RALGAPA2: variants seen among roughly 807,000 people sequenced by gnomAD.
RALGAPA2 encodes the protein ral GTPase-activating protein subunit alpha-2.
RALGAPA2 carries 139 observed loss-of-function variants against 230.4 expected under a neutral mutation model. The ratio of observed to expected loss-of-function variants is 0.60; its 90% CI spans 0.53 to 0.69. RALGAPA2 has a LOEUF of 0.69. Ranked by LOEUF, RALGAPA2 falls within the 30% of genes least tolerant of loss-of-function variation. The pLI is 0.00. For missense variants in RALGAPA2, 2,163 were observed against 2,276.0 expected, an observed-to-expected ratio of 0.95 and a Z score of 1.01; for synonymous variants, 847 against 837.8, an observed-to-expected ratio of 1.01 and a Z score of -0.19.
chr20:20,394,274 G>C lies in RALGAPA2; in HGVS notation c.*36-1021C>G, dbSNP rs371751819. On this transcript the variant is annotated intron_variant, in intron 39 of 39. Coordinates refer to ENST00000202677, the MANE Select transcript of RALGAPA2 (RefSeq NM_020343.4). The stretch of plus-strand genomic sequence containing the variant: ...GGACCTATGGAGGCAGCCTGGCTCA[G>C]GGTGTCCTGAAATTCAGTACTTTCA... 1.8e-4 allele frequency among the ~76,000 whole-genome samples: 28 copies of C among 152,284 alleles called. No individual in the cohort carries two copies. In the East Asian group the frequency reaches 3.7e-3, roughly 20 times the overall value.
chr20:20,686,088 A>G (rs1480208785), intron 1 of RALGAPA2, among the ~76,000 whole-genome samples: 1 of 152,210 alleles, frequency 6.6e-6, no homozygotes, highest in Non-Finnish European at 1.5e-5. Context: ...TCCTTTGTCC[A>G]GCTAAACCTC....
rs1326104775 is a variant in RALGAPA2, at chr20:20,548,765, T to G, written c.3157-1933A>C. Among the ~76,000 whole-genome samples, 4 of 152,336 alleles carry G rather than the reference T, an allele frequency of 2.6e-5. No homozygotes were observed. The East Asian group carries it at 7.7e-4, about 29-fold the overall frequency. On this transcript the variant is annotated intron_variant, in intron 23 of 39. Coordinates refer to ENST00000202677, the MANE Select transcript of RALGAPA2 (RefSeq NM_020343.4). ...ACAAAAGATCCACCTTTTTCATAAT[T>G]AAGCCTCTGATTAATGCCCTAGGCT... is the stretch of plus-strand genomic sequence containing the variant.
chr20:20,484,358 C>T (rs1332622185), intron 36 of RALGAPA2, among the ~76,000 whole-genome samples: 3 of 152,102 alleles, frequency 2.0e-5, no homozygotes, highest in Non-Finnish European at 2.9e-5. Context: ...GAAGGCCATG[C>T]ACCACCCTCC....
intron 35 of RALGAPA2, among the ~76,000 whole-genome samples, chr20:20,495,775 T>G (rs533136532): frequency 6.6e-6 from 1 of 152,368 alleles, no homozygotes; most frequent in East Asian, 1.9e-4. Context: ...GACAAACCTT[T>G]AAGAAAAGGA....
intron 26 of RALGAPA2, among the ~76,000 whole-genome samples, 193 bp from the exon 27 acceptor site, chr20:20,531,988 T>C (rs937294588): frequency 3.3e-5 from 5 of 152,198 alleles, no homozygotes; most frequent in African/African-American, 7.2e-5. Flanking sequence ...AATAGAAATA[T>C]TGATAATGGT....
intron 28 of RALGAPA2, among the ~76,000 whole-genome samples, chr20:20,526,018 T>C (rs1476489888): frequency 6.6e-6 from 1 of 152,196 alleles, no homozygotes; most frequent in Non-Finnish European, 1.5e-5. Flanking sequence ...TGGTCGTGCC[T>C]GCCTTTCAAA....
intron 39 of RALGAPA2, 21 bp downstream of exon 39, chr20:20,396,674 C>A (rs2059725525): frequency 1.2e-6 from 2 of 1,600,786 alleles, no homozygotes; most frequent in Middle Eastern, 1.7e-4. Context: ...CTGGACAAAT[C>A]CACTGAAGTG....
intron 3 of RALGAPA2, among the ~76,000 whole-genome samples, chr20:20,667,050 T>C (rs1440946648): frequency 6.6e-6 from 1 of 152,178 alleles, no homozygotes; most frequent in Non-Finnish European, 1.5e-5. Flanking sequence ...AGTAAAATGG[T>C]GCTACTAAAT....
intron 37 of RALGAPA2, among the ~76,000 whole-genome samples, chr20:20,467,547 C>T (rs962434604): frequency 4.6e-5 from 7 of 152,082 alleles, no homozygotes; most frequent in African/African-American, 1.7e-4. Flanking sequence ...CAGTCTGGAG[C>T]TTAGGTGCAA....
chr20:20,434,119 T>C (rs1421889511), intron 37 of RALGAPA2, among the ~76,000 whole-genome samples: 2 of 152,116 alleles, frequency 1.3e-5, no homozygotes, highest in African/African-American at 2.4e-5. Flanking sequence ...TCTAGTAATT[T>C]AGCAAGGTCC....
chr20:20,600,092 C>T (rs1247735016), intron 16 of RALGAPA2, among the ~76,000 whole-genome samples: 4 of 151,724 alleles, frequency 2.6e-5, no homozygotes, highest in Non-Finnish European at 4.4e-5. Flanking sequence ...GTAAGGAGTA[C>T]GAGAACAGTC....
chr20:20,542,724 T>A (rs1216043232), intron 24 of RALGAPA2, among the ~76,000 whole-genome samples: 1 of 152,106 alleles, frequency 6.6e-6, no homozygotes, highest in Admixed American at 6.6e-5. Flanking sequence ...AAACTGAAAC[T>A]GGACCCCTTC....
rs750334001 is a variant in RALGAPA2 at position 20,512,922 on chromosome 20, C to A, written c.4447G>T (p.Gly1483Cys). ...DGKVLYGPLE[G>C]CLAPNGRNPS... The stretch of plus-strand genomic sequence containing the variant: ...TTTCTTCCATTGGGTGCTAAGCAGC[C>A]TTCCAAAGGTCCATATAAAACCTTA... The change falls in exon 32 of 40, where the codon GGC becomes TGC. Residue 1483 changes from glycine to cysteine, a missense_variant. Gly to Cys is a radical substitution (Grantham distance 159, BLOSUM62 -3). Transcript: ENST00000202677. 1 of 1,613,868 alleles carries A rather than the reference C, an allele frequency of 6.2e-7. No homozygotes were observed. The highest frequency in any genetic ancestry group is 8.5e-7 in the Non-Finnish European group (1 of 1,179,800).
intron 33 of RALGAPA2, among the ~76,000 whole-genome samples, chr20:20,510,731 G>C (rs1338831652): frequency 6.6e-6 from 1 of 152,120 alleles, no homozygotes; most frequent in Non-Finnish European, 1.5e-5. Context: ...ATAGAACAGG[G>C]GTGGATCTGA....
At chr20:20,498,325 T>A (rs1405887889) in intron 35 of RALGAPA2, among the ~76,000 whole-genome samples, 1 of 152,222 alleles carries the variant, frequency 6.6e-6, no homozygotes, top group African/African-American at 2.4e-5. Context: ...TGGATACTTA[T>A]CAGGCTCAGA....
intron 30 of RALGAPA2, among the ~76,000 whole-genome samples, chr20:20,522,132 G>A (rs1221852010): frequency 1.3e-5 from 2 of 151,752 alleles, no homozygotes; most frequent in African/African-American, 4.8e-5. Flanking sequence ...CACGTTATGT[G>A]TAAACTAGCA....
At chr20:20,588,003 T>A (rs2065180892) in intron 18 of RALGAPA2, among the ~76,000 whole-genome samples, 1 of 147,462 alleles carries the variant, frequency 6.8e-6, no homozygotes, top group Non-Finnish European at 1.5e-5. Flanking sequence ...AGAATGAAGA[T>A]GAATGGGAGC....
intron 23 of RALGAPA2, among the ~76,000 whole-genome samples, chr20:20,551,322 G>A (rs2063918376): frequency 1.3e-5 from 2 of 152,162 alleles, no homozygotes; most frequent in South Asian, 4.1e-4. Flanking sequence ...TTGAACATAT[G>A]ACACGTAGAC....
chr20:20,583,646 C>A (rs1056997908), intron 19 of RALGAPA2, among the ~76,000 whole-genome samples: 14 of 152,066 alleles, frequency 9.2e-5, no homozygotes, highest in Non-Finnish European at 1.9e-4. Flanking sequence ...GCTGTATGCC[C>A]CAAGCCTGAC....
Sources: allele counts gnomAD v4.1 joint callset (sites outside exome capture counted in the v4.1 genomes callset), GRCh38; gene constraint gnomAD v4.1.1; transcripts MANE v1.5; gene names NCBI Gene and HGNC (gene_info 2026-07-23, HGNC 2026-07-21).